The following DENND1A variants were observed in gnomAD, a reference collection of about 807,000 sequenced individuals.
The protein encoded by DENND1A is DENN domain-containing protein 1A.
A neutral mutation model predicts 113.7 loss-of-function variants in DENND1A; 51 were observed. The ratio of observed to expected loss-of-function variants is 0.45; its 90% CI spans 0.36 to 0.57. DENND1A has a LOEUF of 0.57. Ranked by LOEUF, DENND1A falls within the 20% of genes least tolerant of loss-of-function variation. DENND1A has a pLI of 0.00. For missense variants in DENND1A, 1,258 were observed against 1,395.9 expected, an observed-to-expected ratio of 0.90 and a Z score of 1.57; for synonymous variants, 565 against 570.8, an observed-to-expected ratio of 0.99 and a Z score of 0.14.
chr9:123,587,706 T>C (rs1451876924), intron 11 of DENND1A, among the ~76,000 whole-genome samples: 1 of 152,218 alleles, frequency 6.6e-6, no homozygotes, highest in Non-Finnish European at 1.5e-5. Context: ...TCACACACTG[T>C]TGGCTCATTT....
chr9:123,437,344 C>T (rs980226231), intron 19 of DENND1A, among the ~76,000 whole-genome samples: 3 of 152,166 alleles, frequency 2.0e-5, no homozygotes, highest in Non-Finnish European at 4.4e-5. Flanking sequence ...GCTCTTGCCT[C>T]GACACTAAGC....
At chr9:123,629,778 G>A (rs1290180021) in intron 10 of DENND1A, among the ~76,000 whole-genome samples, 5 of 152,200 alleles carry the variant, frequency 3.3e-5, no homozygotes, top group Non-Finnish European at 7.4e-5. Flanking sequence ...CAAGTCTTAA[G>A]GAATGTGCCA....
intron 2 of DENND1A, among the ~76,000 whole-genome samples, chr9:123,825,928 G>A (rs1001019726): frequency 6.6e-6 from 1 of 152,186 alleles, no homozygotes; most frequent in African/African-American, 2.4e-5. Context: ...GCTATCACAT[G>A]GTTCCATCAG....
chr9:123,599,050 A>T (rs1468720765), intron 11 of DENND1A, among the ~76,000 whole-genome samples: 1 of 152,168 alleles, frequency 6.6e-6, no homozygotes, highest in Non-Finnish European at 1.5e-5. Flanking sequence ...CTTCAGTGCC[A>T]CTGTTCATCA....
At chr9:123,742,662 C>G (rs2069125884) in intron 5 of DENND1A, among the ~76,000 whole-genome samples, 1 of 152,082 alleles carries the variant, frequency 6.6e-6, no homozygotes, top group Non-Finnish European at 1.5e-5. Flanking sequence ...AGACAGCTCC[C>G]CAGGGGCTCA....
At chr9:123,513,805 A>G (rs1298354288) in intron 13 of DENND1A, among the ~76,000 whole-genome samples, 3 of 152,184 alleles carry the variant, frequency 2.0e-5, no homozygotes, top group African/African-American at 7.2e-5. Flanking sequence ...GACTGTGCAG[A>G]ACAGTGTCAC....
intron 3 of DENND1A, among the ~76,000 whole-genome samples, chr9:123,780,209 ACTTAGAGG>A (rs1831091847): frequency 6.6e-6 from 1 of 152,126 alleles, no homozygotes; most frequent in African/African-American, 2.4e-5. Flanking sequence ...CCCCAGGAGG[ACTTAGAGG>A]CTATTCTCAG....
At chr9:123,755,476 C>A (rs1357066319) in intron 5 of DENND1A, among the ~76,000 whole-genome samples, 1 of 150,928 alleles carries the variant, frequency 6.6e-6, no homozygotes, top group African/African-American at 2.4e-5. Flanking sequence ...AAAAGTTATA[C>A]CTTCCTCTCC....
At position 123,381,237 on chromosome 9, in the gene DENND1A, C is replaced by G; in HGVS notation, c.*195G>C. 1 of 625,234 alleles carries G rather than the reference C, an allele frequency of 1.6e-6. No homozygotes were observed. Among genetic ancestry groups the G allele is most frequent in the Non-Finnish European group, 2.8e-6 (1 of 360,728 alleles). 38.7% of individuals were successfully genotyped at this position (625,234 alleles called of 1,614,324 possible). On this transcript the variant is annotated 3_prime_UTR_variant, in exon 24 of 24. Coordinates refer to ENST00000394215, the MANE Select transcript of DENND1A (RefSeq NM_001352964.2). This position sits in a 1 kb window ranked among gnomAD's most constrained non-coding sequence, Gnocchi z 4.7. ...CTCAGGAACTGGGTTGATTCCCAGGCTGGAACTGGTGCCATTCCCCAGGGC... is the reference window on the plus strand; with the variant it reads ...CTCAGGAACTGGGTTGATTCCCAGGGTGGAACTGGTGCCATTCCCCAGGGC...
intron 11 of DENND1A, among the ~76,000 whole-genome samples, chr9:123,608,320 T>C (rs768145745): frequency 1.3e-5 from 2 of 152,182 alleles, no homozygotes; most frequent in Non-Finnish European, 2.9e-5. Flanking sequence ...CAACAGTTAG[T>C]GAAGCAGGTG....
chr9:123,529,600 A>T (rs1285345265), intron 13 of DENND1A, among the ~76,000 whole-genome samples: 1 of 152,216 alleles, frequency 6.6e-6, no homozygotes, highest in Non-Finnish European at 1.5e-5. Context: ...TCTGCGCATC[A>T]TAAAAGATAA....
chr9:123,666,927 T>A (rs568717227), intron 8 of DENND1A, 99 bp downstream of exon 8: 3 of 1,163,548 alleles, frequency 2.6e-6, no homozygotes, highest in Non-Finnish European at 1.2e-6. Context: ...ATAATTTTTA[T>A]AATGATACTT....
At chr9:123,421,225 G>A (rs2045273553) in intron 19 of DENND1A, among the ~76,000 whole-genome samples, 1 of 147,100 alleles carries the variant, frequency 6.8e-6, no homozygotes, top group South Asian at 2.2e-4. Context: ...CCCCGTGCTA[G>A]GAGATCTACA....
At chr9:123,425,634 C>T (rs1159762884) in intron 19 of DENND1A, among the ~76,000 whole-genome samples, 6 of 142,636 alleles carry the variant, frequency 4.2e-5, no homozygotes, top group African/African-American at 1.6e-4. Flanking sequence ...CTCTCATGGG[C>T]AGCTCGTCTG....
intron 1 of DENND1A, among the ~76,000 whole-genome samples, chr9:123,921,207 G>T (rs995282454): frequency 6.6e-6 from 1 of 152,108 alleles, no homozygotes; most frequent in Non-Finnish European, 1.5e-5. Flanking sequence ...CAATATTAAT[G>T]ATAGCTGCCA....
intron 19 of DENND1A, among the ~76,000 whole-genome samples, chr9:123,419,898 C>G (rs1564454142): frequency 6.6e-6 from 1 of 152,178 alleles, no homozygotes; most frequent in Admixed American, 6.5e-5. Context: ...AAATACTTGC[C>G]TCCACTTCAG....
chr9:123,624,003 T>G (rs2061081835), intron 10 of DENND1A, among the ~76,000 whole-genome samples: 1 of 152,220 alleles, frequency 6.6e-6, no homozygotes, highest in Admixed American at 6.5e-5. Flanking sequence ...CTGGCAGCAG[T>G]GGTCCTCATG....
At chr9:123,499,904 C>T (rs1358612708) in intron 13 of DENND1A, among the ~76,000 whole-genome samples, 2 of 152,208 alleles carry the variant, frequency 1.3e-5, no homozygotes, top group Non-Finnish European at 2.9e-5. Context: ...CCTCTCTGTA[C>T]GCTTGGCACC....
At chr9:123,809,366 T>A (rs1279128656) in intron 2 of DENND1A, among the ~76,000 whole-genome samples, 1 of 152,246 alleles carries the variant, frequency 6.6e-6, no homozygotes, top group East Asian at 1.9e-4. Context: ...TGCCACTATC[T>A]GATCTTAAAT....
Sources: allele counts gnomAD v4.1 joint callset (sites outside exome capture counted in the v4.1 genomes callset), GRCh38; gene constraint gnomAD v4.1.1; non-coding constraint Gnocchi (gnomAD v3.1); transcripts MANE v1.5; gene names NCBI Gene and HGNC (gene_info 2026-07-23, HGNC 2026-07-21).